The following MTUS2 variants were observed in gnomAD, a reference collection of about 807,000 sequenced individuals.
MTUS2 encodes microtubule-associated tumor suppressor candidate 2.
In MTUS2, 40 loss-of-function variants were observed where a neutral mutation model predicts 114.1. That is an observed-to-expected ratio of 0.35 (90% CI 0.27 to 0.46). The LOEUF (loss-of-function observed/expected upper bound fraction) is 0.46. Ranked by LOEUF, MTUS2 falls within the 20% of genes least tolerant of loss-of-function variation. The pLI is 1.00. For synonymous variants in MTUS2, 688 were observed against 672.0 expected (o/e 1.02, Z -0.37); for missense variants, 1,679 against 1,705.4 (o/e 0.98, Z 0.27).
intron 2 of MTUS2, among the ~76,000 whole-genome samples, chr13:28,965,408 G>A (rs1343042630): frequency 6.6e-6 from 1 of 152,138 alleles, no homozygotes; most frequent in Non-Finnish European, 1.5e-5. Flanking sequence ...ACGGTTTTAG[G>A]TGTGCAGTGA....
intron 8 of MTUS2, among the ~76,000 whole-genome samples, chr13:29,374,670 G>A (rs1433162295): frequency 3.9e-5 from 6 of 152,174 alleles, no homozygotes; most frequent in African/African-American, 1.4e-4. Flanking sequence ...GGCCAAGGTG[G>A]GTGGATCACC....
At chr13:29,153,063 G>T (rs1593533652) in intron 5 of MTUS2, among the ~76,000 whole-genome samples, 1 of 152,272 alleles carries the variant, frequency 6.6e-6, no homozygotes, top group Middle Eastern at 3.4e-3. Context: ...CTGAACTTCA[G>T]GTTAACATGC....
At chr13:28,994,437 A>G (rs1437292222) in intron 2 of MTUS2, among the ~76,000 whole-genome samples, 1 of 152,218 alleles carries the variant, frequency 6.6e-6, no homozygotes, top group African/African-American at 2.4e-5. Context: ...TGGCTGGGTC[A>G]AATGGTATTT....
intron 5 of MTUS2, among the ~76,000 whole-genome samples, chr13:29,234,088 G>T (rs1428578194): frequency 6.6e-6 from 1 of 152,094 alleles, no homozygotes; most frequent in Non-Finnish European, 1.5e-5. Context: ...TGGCTTTTCT[G>T]GAGGGAAAAT....
At chr13:29,121,166 C>T (rs1891290770) in intron 5 of MTUS2, among the ~76,000 whole-genome samples, 1 of 152,132 alleles carries the variant, frequency 6.6e-6, no homozygotes, top group African/African-American at 2.4e-5. Flanking sequence ...TCACTTATCC[C>T]TAAGGAAACT....
intron 5 of MTUS2, among the ~76,000 whole-genome samples, chr13:29,188,162 A>G (rs189750076): frequency 1.0e-3 from 152 of 152,312 alleles, no homozygotes; most frequent in Non-Finnish European, 1.7e-3. Context: ...CTTCTGTAGG[A>G]CTGAAGTTAA....
At chr13:28,846,352 G>T (rs933557879) in intron 2 of MTUS2, among the ~76,000 whole-genome samples, 2 of 152,168 alleles carry the variant, frequency 1.3e-5, no homozygotes, top group African/African-American at 2.4e-5. Context: ...GAACACGAAA[G>T]AATTATATTG....
intron 6 of MTUS2, among the ~76,000 whole-genome samples, chr13:29,301,598 G>A (rs116967741): frequency 2.0e-3 from 306 of 152,264 alleles, no homozygotes; most frequent in Admixed American, 5.4e-3. Flanking sequence ...TTTGAAGTTA[G>A]ACCGAGATTA....
intron 5 of MTUS2, among the ~76,000 whole-genome samples, chr13:29,213,331 A>C (rs867063708): frequency 6.6e-6 from 1 of 152,134 alleles, no homozygotes; most frequent in African/African-American, 2.4e-5. Flanking sequence ...TTCTATGTGG[A>C]GTGTTCTACA....
chr13:28,959,515 A>G (rs990812925), intron 2 of MTUS2, among the ~76,000 whole-genome samples: 2 of 136,258 alleles, frequency 1.5e-5, no homozygotes, highest in African/African-American at 5.5e-5. Context: ...TGTATGGCTC[A>G]TGGTCTGCAG....
intron 8 of MTUS2, among the ~76,000 whole-genome samples, chr13:29,389,982 T>G (rs1344701054): frequency 1.6e-4 from 11 of 66,712 alleles, no homozygotes; most frequent in Non-Finnish European, 2.9e-4. Flanking sequence ...TACACATACA[T>G]GTATGTGTAT....
chr13:29,031,307 G>GTCCC (rs1566309066), intron 3 of MTUS2, among the ~76,000 whole-genome samples: 1 of 149,404 alleles, frequency 6.7e-6, no homozygotes. Context: ...CTATACTTAT[G>GTCCC]TCTCTCAATA....
intron 4 of MTUS2, among the ~76,000 whole-genome samples, chr13:29,092,644 T>C (rs1593467398): frequency 6.6e-6 from 1 of 152,078 alleles, no homozygotes; most frequent in Non-Finnish European, 1.5e-5. Flanking sequence ...TCCAGGCTGG[T>C]GCACAAGCCA....
At chr13:29,350,122 T>C (rs1281552600) in intron 7 of MTUS2, among the ~76,000 whole-genome samples, 1 of 152,102 alleles carries the variant, frequency 6.6e-6, no homozygotes, top group Non-Finnish European at 1.5e-5. Context: ...CTACTTTTCC[T>C]TTCCCTTTCT....
intron 2 of MTUS2, among the ~76,000 whole-genome samples, chr13:28,854,241 A>T (rs935621788): frequency 3.3e-5 from 5 of 152,286 alleles, no homozygotes; most frequent in Non-Finnish European, 7.4e-5. Context: ...TCCTTTAGGG[A>T]ATATTTTATA....
intron 5 of MTUS2, among the ~76,000 whole-genome samples, chr13:29,173,301 G>A (rs1893637853): frequency 6.6e-6 from 1 of 152,142 alleles, no homozygotes; most frequent in Admixed American, 6.6e-5. Context: ...TGTAAGTCAT[G>A]AGGCCAAAAG....
At chr13:29,269,024 A>G (rs2989379) in intron 5 of MTUS2, among the ~76,000 whole-genome samples, 138,526 of 152,246 alleles carry the variant, frequency 0.91, 63,582 homozygotes, top group Non-Finnish European at 0.97. Flanking sequence ...GTCTATCCCC[A>G]ACTACAAGAA....
intron 2 of MTUS2, among the ~76,000 whole-genome samples, chr13:28,980,762 GT>G (rs1252512503): frequency 6.6e-6 from 1 of 152,196 alleles, no homozygotes; most frequent in Admixed American, 6.5e-5. Flanking sequence ...TCCTCAGAGT[GT>G]TTTTGTCGTT....
At chr13:29,269,495 A>C (rs1049863659) in intron 5 of MTUS2, among the ~76,000 whole-genome samples, 1 of 152,238 alleles carries the variant, frequency 6.6e-6, no homozygotes, top group Non-Finnish European at 1.5e-5. Context: ...CAAAATGAAT[A>C]CCACACCACA....
Sources: allele counts gnomAD v4.1 joint callset (sites outside exome capture counted in the v4.1 genomes callset), GRCh38; gene constraint gnomAD v4.1.1; transcripts MANE v1.5; gene names NCBI Gene and HGNC (gene_info 2026-07-23, HGNC 2026-07-21).